Variants in DLGAP1 observed in about 807,000 individuals in gnomAD.
DLGAP1 encodes the protein disks large-associated protein 1.
In DLGAP1, 11 loss-of-function variants were observed where a neutral mutation model predicts 90.8. The ratio of observed to expected loss-of-function variants is 0.12; its 90% CI spans 0.08 to 0.20. The LOEUF (loss-of-function observed/expected upper bound fraction) is 0.20, where lower values mean the gene tolerates loss of function less well. DLGAP1 is among the 10% of genes least tolerant of loss of function. The probability of loss-of-function intolerance (pLI) is 1.00; values close to 1 mark genes in which losing one functional copy is unlikely to be tolerated. For synonymous variants in DLGAP1, 558 were observed against 540.7 expected, an observed-to-expected ratio of 1.03 and a Z score of -0.44; for missense variants, 1,050 against 1,333.8, an observed-to-expected ratio of 0.79 and a Z score of 3.31.
chr18:4,389,576 G>T (rs1161624127), intron 1 of DLGAP1, among the ~76,000 whole-genome samples: 1 of 152,118 alleles, frequency 6.6e-6, no homozygotes, highest in Non-Finnish European at 1.5e-5. Flanking sequence ...AAAACAGATT[G>T]ACTGTAGAAT....
chr18:4,331,058 T>C (rs779036519), intron 1 of DLGAP1, among the ~76,000 whole-genome samples: 2 of 151,892 alleles, frequency 1.3e-5, no homozygotes, highest in African/African-American at 4.9e-5. Flanking sequence ...AATGTCCTCT[T>C]AATAAAGTGA....
At chr18:3,602,322 G>A (rs1339355600) in intron 7 of DLGAP1, among the ~76,000 whole-genome samples, 1 of 152,078 alleles carries the variant, frequency 6.6e-6, no homozygotes, top group Non-Finnish European at 1.5e-5. Flanking sequence ...TTGGCCGGGC[G>A]CGGTGGCTCA....
intron 2 of DLGAP1, among the ~76,000 whole-genome samples, chr18:4,140,780 T>C (rs938195100): frequency 6.6e-6 from 1 of 152,040 alleles, no homozygotes; most frequent in Non-Finnish European, 1.5e-5. Flanking sequence ...CTCCTTCATA[T>C]TTGAAGGATA....
intron 5 of DLGAP1, among the ~76,000 whole-genome samples, chr18:3,771,741 A>G (rs2148014122): frequency 6.6e-6 from 1 of 152,264 alleles, no homozygotes; most frequent in Middle Eastern, 3.4e-3. Flanking sequence ...TTCAACGGAT[A>G]AAAAATTAAG....
intron 5 of DLGAP1, among the ~76,000 whole-genome samples, chr18:3,794,410 G>A (rs1598772364): frequency 7.4e-6 from 1 of 134,888 alleles, no homozygotes; most frequent in East Asian, 2.2e-4. Flanking sequence ...ATTTATTTCT[G>A]ACTTCAAAAC....
At chr18:4,136,848 C>T (rs553216687) in intron 2 of DLGAP1, among the ~76,000 whole-genome samples, 276 of 152,190 alleles carry the variant, frequency 1.8e-3, no homozygotes, top group Non-Finnish European at 2.7e-3. Flanking sequence ...CCAAGCTTTT[C>T]GCAGTAGCTT....
chr18:4,104,588 T>C (rs1022999766), intron 2 of DLGAP1, among the ~76,000 whole-genome samples: 1 of 152,228 alleles, frequency 6.6e-6, no homozygotes, highest in Non-Finnish European at 1.5e-5. Context: ...ATTTTGATCG[T>C]TTCTGGCTTA....
chr18:3,825,103 T>C (rs1221764597), intron 4 of DLGAP1, among the ~76,000 whole-genome samples: 3 of 152,172 alleles, frequency 2.0e-5, no homozygotes, highest in African/African-American at 7.2e-5. Context: ...TACAGATGAG[T>C]ATGATACACT....
At chr18:3,649,929 A>C (rs760785103) in intron 7 of DLGAP1, among the ~76,000 whole-genome samples, 2 of 152,226 alleles carry the variant, frequency 1.3e-5, no homozygotes, top group Non-Finnish European at 2.9e-5. Flanking sequence ...ATTTCTTTCC[A>C]CACATCTTCC....
chr18:4,391,095 GATAAAC>G (rs1247411502), intron 1 of DLGAP1, among the ~76,000 whole-genome samples: 2 of 152,160 alleles, frequency 1.3e-5, no homozygotes, highest in African/African-American at 2.4e-5. Flanking sequence ...CTTTAAGCCA[GATAAAC>G]ATAATCTCCC....
chr18:4,243,968 A>G (rs1474478928), intron 1 of DLGAP1, among the ~76,000 whole-genome samples: 2 of 152,170 alleles, frequency 1.3e-5, no homozygotes, highest in Non-Finnish European at 2.9e-5. Flanking sequence ...AATGCCACGA[A>G]CACCTGGGTG....
At chr18:4,373,522 G>C (rs529132090) in intron 1 of DLGAP1, among the ~76,000 whole-genome samples, 1 of 152,234 alleles carries the variant, frequency 6.6e-6, no homozygotes, top group South Asian at 2.1e-4. Context: ...CCCACCTCCA[G>C]GTTAGCTAGA....
chr18:4,361,163 TTAA>T (rs1487224155), intron 1 of DLGAP1, among the ~76,000 whole-genome samples: 4 of 152,176 alleles, frequency 2.6e-5, no homozygotes, highest in African/African-American at 7.2e-5. Context: ...AATTAATATC[TTAA>T]TAATAATGTT....
chr18:4,043,549 T>G (rs938508027), intron 2 of DLGAP1, among the ~76,000 whole-genome samples: 3 of 152,140 alleles, frequency 2.0e-5, no homozygotes, highest in Non-Finnish European at 4.4e-5. Flanking sequence ...CTACATCTTA[T>G]TTATTTATTT....
chr18:3,620,469 G>A (rs752445039), intron 7 of DLGAP1, among the ~76,000 whole-genome samples: 7 of 152,150 alleles, frequency 4.6e-5, no homozygotes, highest in Non-Finnish European at 8.8e-5. Context: ...GCTTGTGGGT[G>A]TAACTGGTGA....
intron 4 of DLGAP1, among the ~76,000 whole-genome samples, chr18:3,814,921 T>C (rs989315419): frequency 1.1e-4 from 16 of 152,326 alleles, no homozygotes; most frequent in African/African-American, 3.6e-4. Context: ...TCAATAACAA[T>C]ATTTTATTGT....
intron 1 of DLGAP1, among the ~76,000 whole-genome samples, chr18:4,161,036 T>C (rs185176566): frequency 3.9e-5 from 6 of 152,062 alleles, no homozygotes; most frequent in South Asian, 2.1e-4. Flanking sequence ...TTATGCTTTT[T>C]TTTTTTTTTA....
chr18:4,019,364 C>T (rs2074572508), intron 2 of DLGAP1, among the ~76,000 whole-genome samples: 1 of 152,008 alleles, frequency 6.6e-6, no homozygotes, highest in Non-Finnish European at 1.5e-5. Flanking sequence ...GACACTTAAC[C>T]TATAAACACT....
chr18:3,586,290 A>G (rs2055879518), intron 7 of DLGAP1, among the ~76,000 whole-genome samples: 1 of 152,142 alleles, frequency 6.6e-6, no homozygotes, highest in Non-Finnish European at 1.5e-5. Flanking sequence ...ACTCATTATT[A>G]TGAGGCTTAA....
Sources: gnomAD v4.1 joint callset for allele counts (sites outside exome capture counted in the v4.1 genomes callset) on GRCh38, gnomAD v4.1.1 for gene constraint, MANE v1.5 for transcripts, NCBI Gene and HGNC (gene_info 2026-07-23, HGNC 2026-07-21) for gene names.